KIAA0319: variants seen among roughly 807,000 people sequenced by gnomAD.
KIAA0319 encodes the protein KIAA0319.
KIAA0319 carries 83 observed loss-of-function variants against 108.4 expected under a neutral mutation model. The observed-to-expected ratio is 0.77, with a 90% CI of 0.64 to 0.92. KIAA0319 has a LOEUF of 0.92. KIAA0319 is among the 40% of genes least tolerant of loss of function. The probability of loss-of-function intolerance (pLI) is 0.00; values close to 1 mark genes in which losing one functional copy is unlikely to be tolerated. For missense variants in KIAA0319, 1,195 were observed against 1,322.4 expected, an observed-to-expected ratio of 0.90 and a Z score of 1.49; for synonymous variants, 484 against 510.4, an observed-to-expected ratio of 0.95 and a Z score of 0.70.
chr6:24,594,248 G>GT (rs1286438643), intron 3 of KIAA0319, among the ~76,000 whole-genome samples: 10 of 119,240 alleles, frequency 8.4e-5, no homozygotes, highest in Non-Finnish European at 6.8e-5. Context: ...AAAAAAGAAA[G>GT]TTTTTTCATT....
At position 24,563,494 on chromosome 6, in the gene KIAA0319, T is replaced by G. The variant is rs1413897105; in HGVS notation, c.2456A>C (p.Glu819Ala). The G allele has an allele frequency of 1.2e-6, 2 of 1,612,012 alleles. No individual in the cohort carries two copies. The highest frequency in any genetic ancestry group is 1.7e-6 in the Non-Finnish European group (2 of 1,179,610). Residue 819 changes from glutamate to alanine, a missense_variant, in exon 16 of 21, where the codon GAG (glutamate) becomes GCG (alanine). By Grantham distance (107) the Glu-to-Ala change is moderately radical (BLOSUM62 -1). Transcript: ENST00000378214. Reference protein sequence around the residue: ...QPDPRKSGLVELTLQVGVGQL... With the variant: ...QPDPRKSGLVALTLQVGVGQL... ...CCCAACACCAACCTGCAGGGTCAGC[T>G]CCACCAGGCCACTCTTCCTAGGGTC... is the stretch of plus-strand genomic sequence containing the variant.
chr6:24,596,537 A>ATGATTCTGGTGG lies in KIAA0319; in HGVS notation c.125_136dup (p.Thr42_Ile45dup). 6.2e-7 allele frequency: 1 copy of ATGATTCTGGTGG among 1,613,990 alleles called. No homozygotes were observed. Among genetic ancestry groups the ATGATTCTGGTGG allele is most frequent in the Non-Finnish European group, 8.5e-7 (1 of 1,180,012 alleles). On this transcript the variant is annotated inframe_insertion, in exon 3 of 21. Coordinates refer to ENST00000378214, the MANE Select transcript of KIAA0319 (RefSeq NM_014809.4). ...GACAGGGAAGGTGTGAGACACCCGC[A>ATGATTCTGGTGG]TGATTCTGGTGGTTTCCAAGTTAGG...
intron 1 of KIAA0319, among the ~76,000 whole-genome samples, chr6:24,634,338 A>G (rs1775941668): frequency 6.6e-6 from 1 of 152,234 alleles, no homozygotes; most frequent in Non-Finnish European, 1.5e-5. Context: ...GTCTTATTTA[A>G]TCTACTGTAG....
chr6:24,583,539 G>A (rs1330194249), intron 5 of KIAA0319, 65 bp downstream of exon 5: 2 of 1,073,182 alleles, frequency 1.9e-6, no homozygotes, highest in Non-Finnish European at 2.8e-6. Flanking sequence ...TAAATAGCCT[G>A]TAAGGACCTG....
At chr6:24,553,290 T>TACAC (rs1286709525) in intron 19 of KIAA0319, among the ~76,000 whole-genome samples, 7 of 80,658 alleles carry the variant, frequency 8.7e-5, no homozygotes, top group African/African-American at 3.3e-4. Flanking sequence ...TATATATATA[T>TACAC]ATATACACAC....
chr6:24,586,160 G>A (rs1767457875), intron 4 of KIAA0319, among the ~76,000 whole-genome samples: 1 of 152,194 alleles, frequency 6.6e-6, no homozygotes, highest in African/African-American at 2.4e-5. Context: ...CTGAGGCTGT[G>A]TCACTGGTGA....
At position 24,586,863 on chromosome 6, in the gene KIAA0319, C is replaced by T. The variant is rs188940168; in HGVS notation, c.994+1730G>A. Among the ~76,000 whole-genome samples the T allele has an allele frequency of 1.0e-3, 154 of 152,186 alleles. No homozygotes were observed. The Middle Eastern group carries it at 0.01, about 10-fold the overall frequency. On this transcript the variant is annotated intron_variant, in intron 4 of 20. Coordinates refer to ENST00000378214, the MANE Select transcript of KIAA0319 (RefSeq NM_014809.4). ...CTCTAGCTTTCCTCTTTATCTCCTA[C>T]CTCTCTGGCACAACTACCCAATCAG...
At chr6:24,563,237 G>T in intron 16 of KIAA0319, 122 bp downstream of exon 16, 1 of 1,111,112 alleles carries the variant, frequency 9.0e-7, no homozygotes, top group Non-Finnish European at 1.3e-6. Context: ...ATATGAATGG[G>T]ATAAAAGTGT....
At chr6:24,566,159 G>A (rs1446342528) in intron 14 of KIAA0319, among the ~76,000 whole-genome samples, 4 of 152,218 alleles carry the variant, frequency 2.6e-5, no homozygotes, top group East Asian at 1.9e-4. Context: ...AGACACTGCC[G>A]TGGACCGAAC....
intron 16 of KIAA0319, among the ~76,000 whole-genome samples, chr6:24,559,821 A>G (rs1226671724): frequency 6.6e-6 from 1 of 152,142 alleles, no homozygotes; most frequent in African/African-American, 2.4e-5. Context: ...AAATTTCAAA[A>G]CATCTTCATC....
chr6:24,625,548 A>G (rs1774588664), intron 1 of KIAA0319, among the ~76,000 whole-genome samples: 1 of 152,184 alleles, frequency 6.6e-6, no homozygotes, highest in Non-Finnish European at 1.5e-5. Flanking sequence ...CACCACTTCT[A>G]TCCAACATTG....
chr6:24,599,662 G>A lies in KIAA0319; in HGVS notation c.55+1387C>T, dbSNP rs992657180. 6 of 620,038 alleles carry A rather than the reference G, an allele frequency of 9.7e-6. No homozygotes were observed. Among genetic ancestry groups the A allele is most frequent in the Non-Finnish European group, 1.8e-5 (6 of 334,348 alleles). The allele number at this position is 620,038 out of a possible 1,614,324, so 38.4% of individuals were successfully genotyped here. A position where few individuals can be genotyped will look rare whatever the true frequency, so the allele number is the denominator to read the frequency against. ...GGCCTCAGCTACAGCCTGGGCTCCAGCTTTGGCTCTGGCGGGTGCTCCAGC... is the reference window on the plus strand; with the variant it reads ...GGCCTCAGCTACAGCCTGGGCTCCAACTTTGGCTCTGGCGGGTGCTCCAGC... On this transcript the variant is annotated intron_variant, in intron 2 of 20. Transcript: ENST00000378214. This position sits in a 1 kb window ranked among gnomAD's most constrained non-coding sequence, Gnocchi z 4.1.
chr6:24,542,060 A>T (rs1002712566), downstream of KIAA0319, among the ~76,000 whole-genome samples: 4 of 152,246 alleles, frequency 2.6e-5, no homozygotes, highest in African/African-American at 2.4e-5. Context: ...GAATCACTTG[A>T]ACTGCCAGGA....
intron 8 of KIAA0319, among the ~76,000 whole-genome samples, chr6:24,579,438 A>C (rs956278003): frequency 3.1e-5 from 4 of 130,636 alleles, no homozygotes; most frequent in African/African-American, 5.9e-5. Flanking sequence ...TATATCTTAT[A>C]TATCTCATAT....
At chr6:24,543,821 A>G (rs1760309684), downstream of KIAA0319, among the ~76,000 whole-genome samples, 1 of 152,124 alleles carries the variant, frequency 6.6e-6, no homozygotes, top group Admixed American at 6.5e-5. Flanking sequence ...TCACCCTACC[A>G]TGCTGTGGGC....
intron 10 of KIAA0319, among the ~76,000 whole-genome samples, chr6:24,575,533 G>A (rs775657687): frequency 7.2e-5 from 11 of 152,052 alleles, no homozygotes; most frequent in South Asian, 2.1e-4. Context: ...AGGATATCCA[G>A]ACAACTCATG....
intron 18 of KIAA0319, 143 bp downstream of exon 18, chr6:24,556,464 G>C: frequency 6.8e-6 from 6 of 882,376 alleles, no homozygotes; most frequent in Non-Finnish European, 1.0e-5. Context: ...ACCATGCCTG[G>C]CTTATTTTGT....
chr6:24,551,716 A>G (rs1390070210), intron 19 of KIAA0319, among the ~76,000 whole-genome samples, 191 bp from the exon 20 acceptor site: 1 of 152,156 alleles, frequency 6.6e-6, no homozygotes, highest in Non-Finnish European at 1.5e-5. Flanking sequence ...GGAGAAACAC[A>G]TTTCTGGGTA....
At chr6:24,594,438 C>A (rs1347680026) in intron 3 of KIAA0319, among the ~76,000 whole-genome samples, 1 of 151,396 alleles carries the variant, frequency 6.6e-6, no homozygotes, top group African/African-American at 2.4e-5. Flanking sequence ...CCAGCCTGGC[C>A]AACATAGTGA....
Sources: gnomAD v4.1 joint callset for allele counts (sites outside exome capture counted in the v4.1 genomes callset) on GRCh38, gnomAD v4.1.1 for gene constraint, Gnocchi (gnomAD v3.1) non-coding constraint, MANE v1.5 for transcripts, NCBI Gene and HGNC (gene_info 2026-07-23, HGNC 2026-07-21) for gene names.